SEPTIN9: variants seen among roughly 807,000 people sequenced by gnomAD.
SEPTIN9 encodes the protein septin 9, also known as septin-9.
A neutral mutation model predicts 56.6 loss-of-function variants in SEPTIN9; 13 were observed. The ratio of observed to expected loss-of-function variants is 0.23; its 90% CI spans 0.15 to 0.37. SEPTIN9 has a LOEUF of 0.37. Ranked by LOEUF, SEPTIN9 falls within the 10% of genes least tolerant of loss-of-function variation. SEPTIN9 has a pLI of 1.00. For missense variants in SEPTIN9, 650 were observed against 823.1 expected (o/e 0.79, Z 2.57); for synonymous variants, 332 against 334.1 (o/e 0.99, Z 0.07).
chr17:77,448,791 T>A (rs554931052), intron 3 of SEPTIN9, among the ~76,000 whole-genome samples: 1 of 150,240 alleles, frequency 6.7e-6, no homozygotes, highest in Non-Finnish European at 1.5e-5. Flanking sequence ...TTTCTTTTCT[T>A]TTTTTTTTTA....
chr17:77,364,194 C>T (rs1251122381), intron 2 of SEPTIN9, among the ~76,000 whole-genome samples: 2 of 152,326 alleles, frequency 1.3e-5, no homozygotes, highest in South Asian at 2.1e-4. Context: ...CAGCGCACCC[C>T]GCGCTTCCTG....
At position 77,326,308 on chromosome 17, in the gene SEPTIN9, T is replaced by C. The variant is rs995773701; in HGVS notation, c.76+19111T>C. ...GACACAGTCCTTGCCCTCATGGGAC[T>C]GCACAAGTGCAAGACCACATCAGTA... On this transcript the variant is annotated intron_variant, in intron 2 of 11. Transcript: ENST00000427177. This position sits in a 1 kb window ranked among gnomAD's most constrained non-coding sequence, Gnocchi z 5.1. 6.6e-6 allele frequency among the ~76,000 whole-genome samples: 1 copy of C among 152,258 alleles called. No homozygotes were observed. Among genetic ancestry groups the C allele is most frequent in the East Asian group, 1.9e-4 (1 of 5,202 alleles).
At chr17:77,446,636 C>G (rs2144375834) in intron 3 of SEPTIN9, 1 of 167,016 alleles carries the variant, frequency 6.0e-6, no homozygotes, top group Admixed American at 6.5e-5. Context: ...CAGCCATGAG[C>G]CATCACACCT....
In SEPTIN9 at chr17:77,418,635, G is replaced by A. The variant is rs187869727; in HGVS notation, c.721+15932G>A. ...TGGGATTACAGGTGTGAGCCGCCAC[G>A]CCCAGCCTCCAGCTCTGCCTTGATT... On this transcript the variant is annotated intron_variant, in intron 3 of 11. Coordinates refer to ENST00000427177, the MANE Select transcript of SEPTIN9 (RefSeq NM_001113491.2). Among the ~76,000 whole-genome samples, 3 of 152,268 alleles carry A rather than the reference G, an allele frequency of 2.0e-5. No individual in the cohort carries two copies. In the East Asian group the frequency reaches 5.8e-4, roughly 29 times the overall value.
chr17:77,374,490 C>G (rs1347470014), intron 2 of SEPTIN9: 1 of 152,256 alleles, frequency 6.6e-6, no homozygotes, highest in Non-Finnish European at 1.5e-5. Flanking sequence ...GGCAGGGCTT[C>G]TGAGGGGCGG....
chr17:77,465,909 G>A (rs1229461901), intron 3 of SEPTIN9, among the ~76,000 whole-genome samples: 1 of 152,044 alleles, frequency 6.6e-6, no homozygotes, highest in Admixed American at 6.6e-5. Context: ...TTATTTTTCT[G>A]AGAGGATTCT....
At chr17:77,468,705 G>A (rs1211514891) in intron 3 of SEPTIN9, among the ~76,000 whole-genome samples, 1 of 152,208 alleles carries the variant, frequency 6.6e-6, no homozygotes, top group Non-Finnish European at 1.5e-5. Context: ...TATCCCAGGT[G>A]CAATGGAAAC....
chr17:77,398,037 G>A (rs1387244262), intron 2 of SEPTIN9, among the ~76,000 whole-genome samples: 3 of 149,594 alleles, frequency 2.0e-5, no homozygotes, highest in Non-Finnish European at 4.4e-5. Context: ...GTAGTGGTGT[G>A]ATCATGGCTC....
At chr17:77,348,304 T>TG (rs894411962) in intron 2 of SEPTIN9, among the ~76,000 whole-genome samples, 5 of 144,374 alleles carry the variant, frequency 3.5e-5, no homozygotes, top group African/African-American at 5.1e-5. Context: ...GTTTTTTTTT[T>TG]TTTTTTTTTT....
intron 2 of SEPTIN9, among the ~76,000 whole-genome samples, chr17:77,390,565 C>T (rs2035505149): frequency 6.7e-6 from 1 of 149,666 alleles, no homozygotes; most frequent in Admixed American, 6.6e-5. Context: ...CATTCTCCTG[C>T]CTCAGCCTCC....
chr17:77,350,958 G>T (rs1222468818), intron 2 of SEPTIN9, among the ~76,000 whole-genome samples: 1 of 150,658 alleles, frequency 6.6e-6, no homozygotes, highest in Non-Finnish European at 1.5e-5. Flanking sequence ...GCCTGTGTGT[G>T]CCTGTGTGCT....
chr17:77,455,012 C>T (rs186439556), intron 3 of SEPTIN9, among the ~76,000 whole-genome samples: 2 of 150,758 alleles, frequency 1.3e-5, no homozygotes, highest in Admixed American at 6.6e-5. Context: ...CTGTCCTCCC[C>T]CTGGCCGGCC....
chr17:77,438,800 C>G (rs1240229065), intron 3 of SEPTIN9, among the ~76,000 whole-genome samples: 6 of 152,166 alleles, frequency 3.9e-5, no homozygotes, highest in Non-Finnish European at 7.3e-5. Flanking sequence ...AATTGAATGC[C>G]ATTAGGCAGC....
At chr17:77,386,849 G>T (rs756092572) in intron 2 of SEPTIN9, among the ~76,000 whole-genome samples, 15 of 152,356 alleles carry the variant, frequency 9.8e-5, no homozygotes, top group Non-Finnish European at 1.8e-4. Context: ...TGCCTGCCCT[G>T]CCCACAAGAG....
intron 2 of SEPTIN9, among the ~76,000 whole-genome samples, chr17:77,391,328 A>G (rs1169955010): frequency 6.6e-6 from 1 of 152,030 alleles, no homozygotes; most frequent in Non-Finnish European, 1.5e-5. Context: ...ACAGAGTGCC[A>G]CAACCTGGGG....
At chr17:77,311,244 G>T (rs1452920439) in intron 2 of SEPTIN9, among the ~76,000 whole-genome samples, 1 of 131,940 alleles carries the variant, frequency 7.6e-6, no homozygotes, top group African/African-American at 2.9e-5. Flanking sequence ...CCACCCCAGA[G>T]CCTCCCTAGG....
intron 3 of SEPTIN9, among the ~76,000 whole-genome samples, chr17:77,403,187 T>C (rs2035960550): frequency 6.6e-6 from 1 of 152,102 alleles, no homozygotes; most frequent in Non-Finnish European, 1.5e-5. Context: ...GGCCGAGGGC[T>C]TGGGGAAGGG....
At chr17:77,350,135 C>T (rs1444787051) in intron 2 of SEPTIN9, among the ~76,000 whole-genome samples, 1 of 152,224 alleles carries the variant, frequency 6.6e-6, no homozygotes, top group Non-Finnish European at 1.5e-5. Context: ...GGCCTGGCCT[C>T]AGCCCCTGTC....
rs146495461 is a variant in SEPTIN9 at position 77,384,842 on chromosome 17, AACACACACACACAC to A, written c.77-17184_77-17171del. 7.8e-3 allele frequency among the ~76,000 whole-genome samples: 1,112 copies of A among 142,246 alleles called. 5 individuals carry two copies. The highest frequency in any genetic ancestry group is 0.012 in the Non-Finnish European group (791 of 65,618). 93.3% of individuals were successfully genotyped at this position (142,246 alleles called of 152,430 possible). On this transcript the variant is annotated intron_variant, in intron 2 of 11. Coordinates refer to ENST00000427177, the MANE Select transcript of SEPTIN9 (RefSeq NM_001113491.2). Reference sequence around the variant, plus strand: ...CATCATCACTGTATGAACCTGTTTAAACACACACACACACACACACACACACACACACACACACA... The same window carrying A: ...CATCATCACTGTATGAACCTGTTTAAACACACACACACACACACACACACA...
Sources: allele counts gnomAD v4.1 joint callset (sites outside exome capture counted in the v4.1 genomes callset), GRCh38; gene constraint gnomAD v4.1.1; non-coding constraint Gnocchi (gnomAD v3.1); transcripts MANE v1.5; gene names NCBI Gene and HGNC (gene_info 2026-07-23, HGNC 2026-07-21).